The following GRIK1 variants were observed in gnomAD, a reference collection of about 807,000 sequenced individuals.
The protein encoded by GRIK1 is glutamate receptor ionotropic, kainate 1.
In GRIK1, 69 loss-of-function variants were observed where a neutral mutation model predicts 105.7. The ratio of observed to expected loss-of-function variants is 0.65; its 90% confidence interval spans 0.54 to 0.80. The LOEUF (loss-of-function observed/expected upper bound fraction) is 0.80, where lower values mean the gene tolerates loss of function less well. Among genes scored for constraint, GRIK1 ranks in the 30% least tolerant of loss-of-function variants. The pLI is 0.00. For missense variants in GRIK1, 1,109 were observed against 1,167.3 expected, an observed-to-expected ratio of 0.95 and a Z score of 0.73; for synonymous variants, 438 against 431.3, an observed-to-expected ratio of 1.02 and a Z score of -0.19.
At chr21:29,720,254 C>T (rs954677399) in intron 1 of GRIK1, among the ~76,000 whole-genome samples, 6 of 152,120 alleles carry the variant, frequency 3.9e-5, no homozygotes, top group African/African-American at 9.7e-5. Context: ...GTTCCACTGT[C>T]TTTATAAAAT....
At chr21:29,771,569 C>T (rs1004663790) in intron 1 of GRIK1, among the ~76,000 whole-genome samples, 1 of 152,162 alleles carries the variant, frequency 6.6e-6, no homozygotes, top group Non-Finnish European at 1.5e-5. Context: ...GTTTTTCCTT[C>T]TATAACAAAT....
intron 8 of GRIK1, 79 bp from the exon 9 acceptor site, chr21:29,596,649 G>C (rs918973312): frequency 4.1e-6 from 4 of 981,302 alleles, no homozygotes; most frequent in Admixed American, 3.4e-5. Context: ...GAATCATGGT[G>C]TGTGAGTGCT....
intron 1 of GRIK1, among the ~76,000 whole-genome samples, chr21:29,800,677 T>C (rs1426666907): frequency 6.6e-6 from 1 of 152,234 alleles, no homozygotes; most frequent in Non-Finnish European, 1.5e-5. Context: ...AGGCTTTTGA[T>C]GAATACCTTC....
intron 1 of GRIK1, among the ~76,000 whole-genome samples, chr21:29,924,861 G>A (rs188447822): frequency 8.5e-5 from 13 of 152,174 alleles, no homozygotes; most frequent in Admixed American, 5.2e-4. Flanking sequence ...TTATGGATCT[G>A]GCTCTAAGTA....
chr21:29,650,286 G>T (rs544760969), intron 6 of GRIK1, among the ~76,000 whole-genome samples: 1 of 152,258 alleles, frequency 6.6e-6, no homozygotes, highest in South Asian at 2.1e-4. Flanking sequence ...TCTTAAAAGC[G>T]AGAGTGCGTC....
intron 7 of GRIK1, among the ~76,000 whole-genome samples, chr21:29,621,575 A>T (rs2062004601): frequency 6.6e-6 from 1 of 152,214 alleles, no homozygotes; most frequent in African/African-American, 2.4e-5. Context: ...ACATAGTGTG[A>T]TCATCTAGTT....
intron 1 of GRIK1, among the ~76,000 whole-genome samples, chr21:29,938,542 C>T (rs543811253): frequency 2.8e-4 from 43 of 152,312 alleles, no homozygotes; most frequent in African/African-American, 9.4e-4. Context: ...GGCTGTCAGT[C>T]CACGCCCCTT....
intron 1 of GRIK1, among the ~76,000 whole-genome samples, chr21:29,728,159 A>G (rs1013529020): frequency 1.3e-5 from 2 of 152,198 alleles, no homozygotes; most frequent in African/African-American, 2.4e-5. Context: ...TCAAGTTGTC[A>G]TATAAAATTA....
At chr21:29,776,517 A>G (rs1232736334) in intron 1 of GRIK1, among the ~76,000 whole-genome samples, 1 of 152,250 alleles carries the variant, frequency 6.6e-6, no homozygotes, top group Admixed American at 6.5e-5. Flanking sequence ...TTAAGTCTAC[A>G]CATCTCTGTA....
At chr21:29,874,645 T>C (rs535040268) in intron 1 of GRIK1, among the ~76,000 whole-genome samples, 13 of 152,312 alleles carry the variant, frequency 8.5e-5, no homozygotes, top group Non-Finnish European at 1.8e-4. Flanking sequence ...GGAGCATGTA[T>C]TAATATAACA....
chr21:29,598,638 A>G (rs1458660982), intron 8 of GRIK1, among the ~76,000 whole-genome samples, 192 bp downstream of exon 8: 1 of 152,216 alleles, frequency 6.6e-6, no homozygotes, highest in Non-Finnish European at 1.5e-5. Context: ...TGCTATTACT[A>G]AGACATGAAA....
chr21:29,607,282 A>G (rs570469232), intron 7 of GRIK1, among the ~76,000 whole-genome samples: 1 of 152,210 alleles, frequency 6.6e-6, no homozygotes, highest in South Asian at 2.1e-4. Context: ...GTTCACTGGA[A>G]ATGACAACCA....
At chr21:29,583,328 A>C (rs572177920) in intron 12 of GRIK1, among the ~76,000 whole-genome samples, 5 of 152,320 alleles carry the variant, frequency 3.3e-5, no homozygotes, top group African/African-American at 1.2e-4. Context: ...TGAACCTATT[A>C]ATGGAAACAG....
chr21:29,809,677 A>G (rs972661011), intron 1 of GRIK1, among the ~76,000 whole-genome samples: 2 of 152,100 alleles, frequency 1.3e-5, no homozygotes, highest in Admixed American at 6.5e-5. Flanking sequence ...TGCATTCACA[A>G]CTTGACTAAT....
rs200068063 is a variant in GRIK1, at chr21:29,672,382, CT to C, written c.726+600del. ...AAATTATTATTCTGTTGTTATTATT[CT>C]TTTTTTTTGAACATTACTCATGTCT... is the stretch of plus-strand genomic sequence containing the variant. On this transcript the variant is annotated intron_variant, in intron 4 of 17. Coordinates refer to ENST00000327783, the MANE Select transcript of GRIK1 (RefSeq NM_001330994.2). 9.0e-3 allele frequency among the ~76,000 whole-genome samples: 1,365 copies of C among 151,306 alleles called. 20 individuals are homozygous for C. The highest frequency in any genetic ancestry group is 0.03 in the African/African-American group (1,237 of 41,272).
At chr21:29,631,115 G>A (rs1385696176) in intron 7 of GRIK1, among the ~76,000 whole-genome samples, 1 of 152,024 alleles carries the variant, frequency 6.6e-6, no homozygotes, top group Non-Finnish European at 1.5e-5. Flanking sequence ...GCCAGTTCGT[G>A]GTAAGTTTTT....
intron 1 of GRIK1, among the ~76,000 whole-genome samples, chr21:29,828,075 T>G (rs1459727942): frequency 6.6e-6 from 1 of 151,476 alleles, no homozygotes; most frequent in African/African-American, 2.4e-5. Flanking sequence ...TCTATTAAGG[T>G]AATAGACTTT....
chr21:29,662,222 G>T (rs1568946650), intron 4 of GRIK1, among the ~76,000 whole-genome samples: 1 of 152,224 alleles, frequency 6.6e-6, no homozygotes, highest in Non-Finnish European at 1.5e-5. Context: ...AGAAGAGCCA[G>T]ATTGCATCAC....
chr21:29,796,953 GCAAA>G lies in GRIK1; in HGVS notation c.119-102894_119-102891del, dbSNP rs1211708796. ...GACAGAGGGAGACTCTGTCTCAAAA[GCAAA>G]CAAACAAACAAACAACAGAAAAAAA... On this transcript the variant is annotated intron_variant, in intron 1 of 17. Coordinates refer to ENST00000327783, the MANE Select transcript of GRIK1 (RefSeq NM_001330994.2). Among the ~76,000 whole-genome samples the G allele has an allele frequency of 9.4e-5, 13 of 138,512 alleles. No homozygotes were observed. In the South Asian group the frequency reaches 9.8e-4, roughly 10 times the overall value. 90.9% of individuals were successfully genotyped at this position (138,512 alleles called of 152,430 possible). A position where few individuals can be genotyped will look rare whatever the true frequency, so the allele number is the denominator to read the frequency against.
Sources: gnomAD v4.1 joint callset for allele counts (sites outside exome capture counted in the v4.1 genomes callset) on GRCh38, gnomAD v4.1.1 for gene constraint, MANE v1.5 for transcripts, NCBI Gene and HGNC (gene_info 2026-07-23, HGNC 2026-07-21) for gene names.